Variants in MTHFD2L observed in about 807,000 individuals in gnomAD.
MTHFD2L encodes methylenetetrahydrofolate dehydrogenase (NADP+ dependent) 2 like.
Under a neutral mutation model 34.9 loss-of-function variants are expected in MTHFD2L, and 29 were observed. The ratio of observed to expected loss-of-function variants is 0.83; its 90% CI spans 0.62 to 1.13. The LOEUF (loss-of-function observed/expected upper bound fraction) is 1.13. MTHFD2L is among the 50% of genes most tolerant of loss of function. The pLI, the probability that MTHFD2L is intolerant of heterozygous loss-of-function variation, is 0.00. For missense variants in MTHFD2L, 481 were observed against 446.5 expected (o/e 1.08, Z -0.70); for synonymous variants, 167 against 155.7 (o/e 1.07, Z -0.54).
At chr4:74,248,814 G>A (rs1385313554) in intron 6 of MTHFD2L, among the ~76,000 whole-genome samples, 5 of 152,018 alleles carry the variant, frequency 3.3e-5, no homozygotes, top group Non-Finnish European at 7.4e-5. Context: ...TTAATCCTGA[G>A]TTCTAATTTG....
chr4:74,158,355 G>T, intron 1 of MTHFD2L, 74 bp downstream of exon 1: 2 of 1,092,106 alleles, frequency 1.8e-6, no homozygotes, highest in Non-Finnish European at 1.1e-6. Flanking sequence ...CGGCGCTCGC[G>T]CGCGTGGGGC....
chr4:74,148,385 TTATTTATC>T (rs1279411020), intron 1 of MTHFD2L, among the ~76,000 whole-genome samples: 10 of 75,098 alleles, frequency 1.3e-4, no homozygotes, highest in Non-Finnish European at 1.8e-4. Flanking sequence ...ATTTATTTAT[TTATTTATC>T]TATCTATCTA....
intron 1 of MTHFD2L, among the ~76,000 whole-genome samples, chr4:74,167,572 G>T (rs1726984245): frequency 6.6e-6 from 1 of 152,186 alleles, no homozygotes; most frequent in Admixed American, 6.5e-5. Context: ...CAGGGTACAG[G>T]GTTGGGAAAA....
chr4:74,202,191 G>A (rs1734559514), intron 5 of MTHFD2L, among the ~76,000 whole-genome samples: 1 of 152,132 alleles, frequency 6.6e-6, no homozygotes, highest in Non-Finnish European at 1.5e-5. Context: ...ACAAAGGCTT[G>A]GGTCAACACC....
intron 2 of MTHFD2L, among the ~76,000 whole-genome samples, chr4:74,115,647 C>T (rs1248030428): frequency 6.6e-6 from 1 of 152,250 alleles, no homozygotes; most frequent in African/African-American, 2.4e-5. Flanking sequence ...TCCTTTCAGA[C>T]AGCAGTTTCC....
At chr4:74,135,948 T>C (rs1722890444) in intron 1 of MTHFD2L, among the ~76,000 whole-genome samples, 1 of 152,018 alleles carries the variant, frequency 6.6e-6, no homozygotes, top group African/African-American at 2.4e-5. Flanking sequence ...ATAAAAATCC[T>C]CAACAAACTG....
Position 74,244,916 on chromosome 4 carries a change from C to T in MTHFD2L, c.805+19522C>T, listed in dbSNP as rs190453824. Among the ~76,000 whole-genome samples the T allele has an allele frequency of 2.6e-4, 39 of 152,082 alleles. 1 individual carries two copies. Among genetic ancestry groups the T allele is most frequent in the Admixed American group, 1.8e-3 (27 of 15,272 alleles). On this transcript the variant is annotated intron_variant, in intron 6 of 7. Coordinates refer to ENST00000325278, the MANE Select transcript of MTHFD2L (RefSeq NM_001144978.3). ...AAGATTTAAGAATCTAGTTGTTGGC[C>T]GGGTGCAGTGGCTCGCGGCTATAAT...
At chr4:74,172,284 T>C (rs963367196) in intron 1 of MTHFD2L, among the ~76,000 whole-genome samples, 1 of 152,200 alleles carries the variant, frequency 6.6e-6, no homozygotes, top group African/African-American at 2.4e-5. Flanking sequence ...TTCTCAGGTA[T>C]ATACATATAT....
intron 7 of MTHFD2L, among the ~76,000 whole-genome samples, chr4:74,294,138 G>T (rs941839635): frequency 6.6e-6 from 1 of 152,096 alleles, no homozygotes; most frequent in East Asian, 1.9e-4. Context: ...CTATAGGAAC[G>T]TGAGACATCA....
intron 3 of MTHFD2L, among the ~76,000 whole-genome samples, chr4:74,192,824 T>C (rs1466995265): frequency 2.0e-5 from 3 of 152,038 alleles, no homozygotes; most frequent in Non-Finnish European, 4.4e-5. Context: ...TGAGTGCTTT[T>C]TTTTATATAT....
chr4:74,128,426 T>G (rs1224818180), intron 1 of MTHFD2L, among the ~76,000 whole-genome samples: 1 of 152,152 alleles, frequency 6.6e-6, no homozygotes, highest in Non-Finnish European at 1.5e-5. Flanking sequence ...AATTTCACTC[T>G]ATGCATATGG....
At chr4:74,182,311 C>G (rs16850585) in intron 3 of MTHFD2L, among the ~76,000 whole-genome samples, 7,487 of 152,160 alleles carry the variant, frequency 0.049, 574 homozygotes, top group African/African-American at 0.17. Context: ...TGTGTTAAGT[C>G]TCATCCTTCT....
At chr4:74,227,991 C>T (rs1246597) in intron 6 of MTHFD2L, among the ~76,000 whole-genome samples, 40,370 of 151,960 alleles carry the variant, frequency 0.27, 5,701 homozygotes, top group African/African-American at 0.36. Flanking sequence ...GAACCTAGAA[C>T]ATATACATGA....
At chr4:74,114,634 A>G (rs1721628592) in exon 2 of MTHFD2L, 1 of 152,192 alleles carries the variant, frequency 6.6e-6, no homozygotes, top group Admixed American at 6.5e-5. Flanking sequence ...TCAGCCCTGT[A>G]ATTGACCAGC....
intron 6 of MTHFD2L, among the ~76,000 whole-genome samples, chr4:74,243,625 A>G (rs914044744): frequency 4.0e-5 from 6 of 151,892 alleles, no homozygotes; most frequent in African/African-American, 1.5e-4. Flanking sequence ...GCCTGTTCAG[A>G]GTTTCTTTCT....
chr4:74,168,006 C>T lies in MTHFD2L; in HGVS notation c.144-6500C>T, dbSNP rs116171788. On this transcript the variant is annotated intron_variant, in intron 1 of 7. Transcript: ENST00000325278. Reference sequence around the variant, plus strand: ...GACTACTTAGCACCTCCATGGCTACCCCTTTGCCTAACTCCCCATGATCCC... The same window carrying T: ...GACTACTTAGCACCTCCATGGCTACTCCTTTGCCTAACTCCCCATGATCCC... Among the ~76,000 whole-genome samples the T allele has an allele frequency of 2.6e-5, 4 of 151,830 alleles. No individual in the cohort carries two copies. The South Asian group carries it at 6.2e-4, about 24-fold the overall frequency.
At chr4:74,187,475 G>A (rs1334452328) in intron 3 of MTHFD2L, among the ~76,000 whole-genome samples, 6 of 152,082 alleles carry the variant, frequency 3.9e-5, no homozygotes, top group Non-Finnish European at 5.9e-5. Context: ...ACACTTCAAA[G>A]AAGAAATACA....
intron 6 of MTHFD2L, among the ~76,000 whole-genome samples, chr4:74,263,973 A>G (rs1354196960): frequency 6.6e-6 from 1 of 152,124 alleles, no homozygotes; most frequent in African/African-American, 2.4e-5. Context: ...TACCTTAATA[A>G]TCTCAGAAAT....
Position 74,158,252 on chromosome 4 carries a change from G to T in MTHFD2L, c.114G>T (p.Ala38=). Residue 38 remains alanine (A), a synonymous_variant, in exon 1 of 8, where the codon GCG becomes GCT. Coordinates refer to ENST00000325278, the MANE Select transcript of MTHFD2L (RefSeq NM_001144978.3). ...SVRAPGEPGS[A]FRGFRSSGVR... ...GGGCACCGGGAGAGCCCGGGAGTGC[G>T]TTCCGGGGCTTTCGGAGCAGCGGTG... 1 of 1,462,392 alleles carries T rather than the reference G, an allele frequency of 6.8e-7. No individual in the cohort carries two copies. The highest frequency in any genetic ancestry group is 9.0e-7 in the Non-Finnish European group (1 of 1,109,066). The allele number at this position is 1,462,392 out of a possible 1,614,324, so 90.6% of individuals were successfully genotyped here.
Sources: gnomAD v4.1 joint callset for allele counts (sites outside exome capture counted in the v4.1 genomes callset) on GRCh38, gnomAD v4.1.1 for gene constraint, MANE v1.5 for transcripts, NCBI Gene and HGNC (gene_info 2026-07-23, HGNC 2026-07-21) for gene names.